Variants in NPC1 observed in about 807,000 individuals in gnomAD.
NPC1 encodes NPC intracellular cholesterol transporter 1, also known as Niemann-Pick C1 protein.
In NPC1, 85 loss-of-function variants were observed where a neutral mutation model predicts 140.4. The observed-to-expected ratio is 0.61, with a 90% CI of 0.51 to 0.72. NPC1 has a LOEUF of 0.72. Ranked by LOEUF, NPC1 falls within the 30% of genes least tolerant of loss-of-function variation. The probability of loss-of-function intolerance (pLI) is 0.00; values close to 1 mark genes in which losing one functional copy is unlikely to be tolerated. For synonymous variants in NPC1, 656 were observed against 624.8 expected (o/e 1.05, Z -0.74); for missense variants, 1,504 against 1,623.8 (o/e 0.93, Z 1.27).
intron 6 of NPC1, among the ~76,000 whole-genome samples, chr18:23,559,186 T>G (rs2058999719): frequency 6.6e-6 from 1 of 152,180 alleles, no homozygotes; most frequent in Admixed American, 6.5e-5. Flanking sequence ...TAAACATACG[T>G]GTGCATGTGT....
Position 23,568,863 on chromosome 18 carries a change from C to T in NPC1, c.423G>A (p.Val141=), listed in dbSNP as rs1188465797. The change falls in exon 4 of 25, where the codon GTG becomes GTA. Residue 141 remains valine, a synonymous_variant. Transcript: ENST00000269228. ...GTCCGACGTAGTATTGTAACTCTTT[C>T]ACATTTGTTTTCGTCTGGTTTGTAA... is the stretch of plus-strand genomic sequence containing the variant. The part of the protein sequence containing the change: ...DPVTNQTKTN[V]KELQYYVGQS... 5 of 1,613,958 alleles carry T rather than the reference C, an allele frequency of 3.1e-6. No homozygotes were observed. Among genetic ancestry groups the T allele is most frequent in the African/African-American group, 2.7e-5 (2 of 74,914 alleles).
intron 6 of NPC1, among the ~76,000 whole-genome samples, chr18:23,557,893 G>C (rs987910432): frequency 1.3e-5 from 2 of 152,198 alleles, no homozygotes; most frequent in Non-Finnish European, 2.9e-5. Context: ...AGATAAAGCT[G>C]GGGATGGGAG....
chr18:23,556,117 C>T (rs1011584565), intron 8 of NPC1, 126 bp downstream of exon 8: 6 of 853,468 alleles, frequency 7.0e-6, no homozygotes, highest in Admixed American at 3.6e-5. Context: ...TGCCATTATA[C>T]GCTAAGATTT....
chr18:23,567,493 CTTA>C (rs898772902), intron 4 of NPC1, among the ~76,000 whole-genome samples: 2 of 152,122 alleles, frequency 1.3e-5, no homozygotes, highest in African/African-American at 4.8e-5. Context: ...TGTTTGCTTT[CTTA>C]TTGAGTTTTA....
At chr18:23,517,182 GCT>G (rs1395955845) in intron 3 of NPC1, among the ~76,000 whole-genome samples, 5 of 149,890 alleles carry the variant, frequency 3.3e-5, no homozygotes, top group Non-Finnish European at 5.9e-5. Flanking sequence ...ATGGAGTCTT[GCT>G]CTGTTGCCAG....
At chr18:23,534,028 CAA>C in intron 23 of NPC1, 1 of 325,218 alleles carries the variant, frequency 3.1e-6, no homozygotes, top group Non-Finnish European at 5.8e-6. Context: ...TGTTACGAAA[CAA>C]AGTTTTAGTT....
chr18:23,508,468 C>T (rs2057768567), intron 3 of NPC1, among the ~76,000 whole-genome samples: 1 of 152,108 alleles, frequency 6.6e-6, no homozygotes, highest in Non-Finnish European at 1.5e-5. Context: ...CTTGTCCTTA[C>T]TCTTTCTTTC....
chr18:23,535,356 G>C, intron 22 of NPC1, 113 bp downstream of exon 22: 1 of 808,536 alleles, frequency 1.2e-6, no homozygotes, highest in Non-Finnish European at 2.1e-6. Context: ...CCAAGAGCAA[G>C]CGCCAGACTT....
intron 4 of NPC1, among the ~76,000 whole-genome samples, chr18:23,566,655 C>CA (rs1567975180): frequency 6.6e-6 from 1 of 152,124 alleles, no homozygotes. Context: ...CCCTCCCTGA[C>CA]AGTAGCCCCT....
chr18:23,569,500 G>GT (rs2059172267), intron 3 of NPC1, among the ~76,000 whole-genome samples: 1 of 152,106 alleles, frequency 6.6e-6, no homozygotes, highest in South Asian at 2.1e-4. Context: ...TTTTTAAAAT[G>GT]TTTTTGTAGA....
At chr18:23,562,149 C>T (rs985061321) in intron 4 of NPC1, among the ~76,000 whole-genome samples, 3 of 151,902 alleles carry the variant, frequency 2.0e-5, no homozygotes, top group South Asian at 2.1e-4. Flanking sequence ...ATTAGCCGGG[C>T]GTGGTGGCGG....
chr18:23,527,891 G>A, downstream of NPC1: 2 of 1,613,634 alleles, frequency 1.2e-6, no homozygotes, highest in Non-Finnish European at 1.7e-6. Flanking sequence ...GCCGAGCAGA[G>A]TTATGCGATG....
At position 23,586,486 on chromosome 18, in the gene NPC1, C is replaced by T; in HGVS notation, c.-143G>A. On this transcript the variant is annotated 5_prime_UTR_variant, in exon 1 of 25. Transcript: ENST00000269228. ...AGCAGGCGCTGACCGCGGCAGCAGG[C>T]TGCGCGCGCCGGTCAGGAAGGAAGA... 2.1e-6 allele frequency: 3 copies of T among 1,425,742 alleles called. No homozygotes were observed. Among genetic ancestry groups the T allele is most frequent in the Non-Finnish European group, 2.7e-6 (3 of 1,097,990 alleles). The allele number at this position is 1,425,742 out of a possible 1,614,324, so 88.3% of individuals were successfully genotyped here.
chr18:23,549,241 G>A (rs997785793), intron 10 of NPC1, among the ~76,000 whole-genome samples: 8 of 151,584 alleles, frequency 5.3e-5, no homozygotes, highest in Non-Finnish European at 8.8e-5. Flanking sequence ...CTGTTGCCCT[G>A]GCTGGAGTGC....
intron 16 of NPC1, among the ~76,000 whole-genome samples, 187 bp from the exon 17 acceptor site, chr18:23,540,724 A>C (rs995016759): frequency 1.1e-4 from 17 of 152,204 alleles, no homozygotes; most frequent in Non-Finnish European, 7.3e-5. Context: ...CTGGGTGCAA[A>C]TCCTGACTCT....
chr18:23,529,573 G>A, downstream of NPC1: 1 of 1,438,544 alleles, frequency 7.0e-7, no homozygotes, highest in African/African-American at 1.4e-5. Flanking sequence ...TGGATAGAGA[G>A]TTATATGCAG....
chr18:23,536,640 G>C, intron 21 of NPC1, 33 bp downstream of exon 21: 1 of 1,587,784 alleles, frequency 6.3e-7, no homozygotes, highest in Non-Finnish European at 8.6e-7. Context: ...GCCCTTTGCT[G>C]GGTAAACCCC....
At chr18:23,551,808 T>C in intron 9 of NPC1, 81 bp from the exon 10 acceptor site, 1 of 941,770 alleles carries the variant, frequency 1.1e-6, no homozygotes, top group Non-Finnish European at 1.8e-6. Flanking sequence ...CAGTGAACAT[T>C]TGATGAGGCT....
At chr18:23,528,650 G>A (rs57440424), downstream of NPC1, 70,637 of 152,198 alleles carry the variant, frequency 0.46, 16,664 homozygotes, top group East Asian at 0.6. Context: ...AGGGATGGCT[G>A]AGTCCTTTTG....
Sources: allele counts gnomAD v4.1 joint callset (sites outside exome capture counted in the v4.1 genomes callset), GRCh38; gene constraint gnomAD v4.1.1; transcripts MANE v1.5; gene names NCBI Gene and HGNC (gene_info 2026-07-23, HGNC 2026-07-21).